The following PITPNA variants were observed in gnomAD, a reference collection of about 807,000 sequenced individuals.
The protein encoded by PITPNA is phosphatidylinositol transfer protein alpha.
PITPNA carries 13 observed loss-of-function variants against 50.3 expected under a neutral mutation model. The ratio of observed to expected loss-of-function variants is 0.26; its 90% CI spans 0.17 to 0.41. The LOEUF (loss-of-function observed/expected upper bound fraction) is 0.41. PITPNA is among the 10% of genes least tolerant of loss of function. PITPNA has a pLI of 1.00. For synonymous variants in PITPNA, 120 were observed against 119.6 expected (o/e 1.00, Z -0.02); for missense variants, 207 against 333.4 (o/e 0.62, Z 2.95).
chr17:1,553,179 A>G (rs771198487), intron 2 of PITPNA, 30 bp from the exon 3 acceptor site: 1 of 1,612,458 alleles, frequency 6.2e-7, no homozygotes, highest in Non-Finnish European at 8.5e-7. Context: ...GTTATTCTCA[A>G]CACGGACCCT....
At position 1,562,696 on chromosome 17, in the gene PITPNA, T is replaced by C; in HGVS notation, c.-136A>G. On this transcript the variant is annotated 5_prime_UTR_variant, in exon 1 of 12. Coordinates refer to ENST00000313486, the MANE Select transcript of PITPNA (RefSeq NM_006224.4). The surrounding 1 kb of genome is among the most constrained non-coding windows in gnomAD (Gnocchi z 6.4). ...GTGCTCTGCTCCGTCCCCGCCGCCC[T>C]CGCCGCGGTCGCCGCGCCGGCTCCT... The C allele has an allele frequency of 2.4e-6, 1 of 421,090 alleles. No individual in the cohort carries two copies. The highest frequency in any genetic ancestry group is 3.3e-6 in the Non-Finnish European group (1 of 306,548). The allele number at this position is 421,090 out of a possible 1,614,324, so 26.1% of individuals were successfully genotyped here. A position where few individuals can be genotyped will look rare whatever the true frequency, so the allele number is the denominator to read the frequency against.
At chr17:1,542,025 A>C (rs2075650464) in intron 5 of PITPNA, among the ~76,000 whole-genome samples, 1 of 151,944 alleles carries the variant, frequency 6.6e-6, no homozygotes, top group African/African-American at 2.4e-5. Flanking sequence ...CAGTGGTGAA[A>C]CCCGTCTCTA....
intron 10 of PITPNA, among the ~76,000 whole-genome samples, chr17:1,529,868 A>G (rs1161706096): frequency 4.6e-5 from 7 of 152,204 alleles, no homozygotes; most frequent in South Asian, 2.1e-4. Context: ...AGAAAAAAAA[A>G]AAAAGAAAAC....
chr17:1,528,981 T>C (rs980676443), intron 10 of PITPNA, among the ~76,000 whole-genome samples: 4 of 150,154 alleles, frequency 2.7e-5, no homozygotes, highest in African/African-American at 9.8e-5. Context: ...CTACTAAAAA[T>C]ACAAAAATTA....
Position 1,522,071 on chromosome 17 carries a change from C to CTTTTCTTTTTTTTTT in PITPNA, c.769-427_769-426insAAAAAAAAAAGAAAA, listed in dbSNP as rs751204255. On this transcript the variant is annotated intron_variant, in intron 10 of 11. Transcript: ENST00000313486. The stretch of plus-strand genomic sequence containing the variant: ...CATTCAACAAATACTTATGAAACAT[C>CTTTTCTTTTTTTTTT]TTTTTTTTTTTGAGACGGAGTCTCG... Among the ~76,000 whole-genome samples the CTTTTCTTTTTTTTTT allele has an allele frequency of 8.8e-4, 125 of 141,636 alleles. 7 individuals carry two copies. The highest frequency in any genetic ancestry group is 3.7e-3 in the Middle Eastern group (1 of 272). The allele number at this position is 141,636 out of a possible 152,430, so 92.9% of individuals were successfully genotyped here. A position where few individuals can be genotyped will look rare whatever the true frequency, so the allele number is the denominator to read the frequency against.
intron 10 of PITPNA, among the ~76,000 whole-genome samples, chr17:1,530,003 A>T (rs1366582649): frequency 6.6e-6 from 1 of 152,208 alleles, no homozygotes; most frequent in Non-Finnish European, 1.5e-5. Context: ...TCTGTGAGCC[A>T]CAGTTTATCT....
In PITPNA at chr17:1,519,527, C is replaced by T. The variant is rs74957414; in HGVS notation, c.*1034G>A. ...CAAATTCCTTTCCGGCAACTGGAGA[C>T]GAGGGAACATGTTCTGCTGGAAAAA... On this transcript the variant is annotated 3_prime_UTR_variant, in exon 12 of 12. Coordinates refer to ENST00000313486, the MANE Select transcript of PITPNA (RefSeq NM_006224.4). 7,517 of 152,646 alleles carry T rather than the reference C, an allele frequency of 0.049. 235 individuals carry two copies. The highest frequency in any genetic ancestry group is 0.075 in the Non-Finnish European group (5,068 of 68,026). The allele number at this position is 152,646 out of a possible 1,614,324, so 9.5% of individuals were successfully genotyped here.
In PITPNA at chr17:1,535,266, G is replaced by C. The variant is rs2075608862; in HGVS notation, c.561C>G (p.Cys187Trp). 3 of 1,613,284 alleles carry C rather than the reference G, an allele frequency of 1.9e-6. No individual in the cohort carries two copies. Among genetic ancestry groups the C allele is most frequent in the Non-Finnish European group, 2.5e-6 (3 of 1,179,298 alleles). Residue 187 changes from cysteine (C) to tryptophan (W), a missense_variant, in exon 9 of 12, where the codon TGC (cysteine) becomes TGG (tryptophan). By Grantham distance (215) the Cys-to-Trp change is radical. Transcript: ENST00000313486. ...CCAGTTTGTATGCACACATATATGG[G>C]CAGTCCTTCTGGTTTACAAGCTCTT... The part of the protein sequence containing the change: ...WKQELVNQKD[C>W]PYMCAYKLVT...
chr17:1,535,771 A>C, intron 7 of PITPNA: 1 of 510,482 alleles, frequency 2.0e-6, no homozygotes, highest in South Asian at 2.1e-5. Context: ...CTGTCTGAGC[A>C]GGCACATATT....
At chr17:1,524,275 A>G (rs1598402506) in intron 10 of PITPNA, among the ~76,000 whole-genome samples, 1 of 139,366 alleles carries the variant, frequency 7.2e-6, no homozygotes, top group Non-Finnish European at 1.5e-5. Context: ...CCATGTCCTG[A>G]CCTCATGATC....
In PITPNA at chr17:1,538,875, G is replaced by C; in HGVS notation, c.450C>G (p.Leu150=). ...YIDIADRSQV[L]SKDYKAEEDP... ...GTCTTTAAACGGATCCTACCTTGCT[G>C]AGCACTTGGCTTCGATCTGCAATGT... Residue 150 remains leucine (L), a synonymous_variant, in exon 7 of 12, where the codon CTC becomes CTG. Coordinates refer to ENST00000313486, the MANE Select transcript of PITPNA (RefSeq NM_006224.4). 1 of 1,610,628 alleles carries C rather than the reference G, an allele frequency of 6.2e-7. No individual in the cohort carries two copies. Among genetic ancestry groups the C allele is most frequent in the East Asian group, 2.2e-5 (1 of 44,846 alleles).
At chr17:1,522,244 T>C (rs2075519227) in intron 10 of PITPNA, among the ~76,000 whole-genome samples, 1 of 150,026 alleles carries the variant, frequency 6.7e-6, no homozygotes, top group African/African-American at 2.5e-5. Flanking sequence ...GCTAATTTTT[T>C]GTATTTTTAG....
At chr17:1,521,852 G>A (rs75951666) in intron 10 of PITPNA, among the ~76,000 whole-genome samples, 6,213 of 149,576 alleles carry the variant, frequency 0.042, 180 homozygotes, top group East Asian at 0.076. Context: ...TAGTTCTCTC[G>A]TGTCACGGTG....
chr17:1,539,043 A>G (rs746986112), intron 6 of PITPNA, 91 bp from the exon 7 acceptor site: 1 of 718,922 alleles, frequency 1.4e-6, no homozygotes. Flanking sequence ...TGCCATTCCC[A>G]TAGCCACAGA....
intron 11 of PITPNA, among the ~76,000 whole-genome samples, chr17:1,520,894 T>G (rs2075507390): frequency 6.6e-6 from 1 of 152,074 alleles, no homozygotes; most frequent in African/African-American, 2.4e-5. Context: ...GAGCCAGGTT[T>G]TTCATTCAGT....
intron 2 of PITPNA, among the ~76,000 whole-genome samples, chr17:1,556,641 C>T (rs757792471): frequency 2.0e-5 from 3 of 152,174 alleles, no homozygotes; most frequent in Non-Finnish European, 4.4e-5. Flanking sequence ...CTAAGGAAAT[C>T]CCGAGTTCCT....
intron 10 of PITPNA, among the ~76,000 whole-genome samples, chr17:1,522,800 T>G (rs1490588205): frequency 1.3e-5 from 2 of 152,196 alleles, no homozygotes; most frequent in African/African-American, 4.8e-5. Flanking sequence ...GAACAAACAT[T>G]CATCTATGTC....
chr17:1,528,592 G>A (rs2075561382), intron 10 of PITPNA, among the ~76,000 whole-genome samples: 1 of 152,010 alleles, frequency 6.6e-6, no homozygotes, highest in Admixed American at 6.6e-5. Context: ...AAAAAAATTA[G>A]TCAGGTGTAG....
chr17:1,541,897 TA>T, intron 5 of PITPNA: 2 of 570,336 alleles, frequency 3.5e-6, no homozygotes. Context: ...TTAGGTGACT[TA>T]ACCAAAGTCA....
Sources: allele counts gnomAD v4.1 joint callset (sites outside exome capture counted in the v4.1 genomes callset), GRCh38; gene constraint gnomAD v4.1.1; non-coding constraint Gnocchi (gnomAD v3.1); transcripts MANE v1.5; gene names NCBI Gene and HGNC (gene_info 2026-07-23, HGNC 2026-07-21).